The following ARHGAP6 variants were observed in gnomAD, a reference collection of about 807,000 sequenced individuals.
ARHGAP6 encodes rho GTPase-activating protein 6.
In ARHGAP6, 16 loss-of-function variants were observed where a neutral mutation model predicts 55.7. The observed-to-expected ratio is 0.29, with a 90% CI of 0.19 to 0.44. The LOEUF (loss-of-function observed/expected upper bound fraction) is 0.44, where lower values mean the gene tolerates loss of function less well. Among genes scored for constraint, ARHGAP6 ranks in the 20% least tolerant of loss-of-function variants. The pLI, the probability that ARHGAP6 is intolerant of heterozygous loss-of-function variation, is 1.00. For synonymous variants in ARHGAP6, 382 were observed against 360.9 expected (o/e 1.06, Z -0.66); for missense variants, 698 against 808.9 (o/e 0.86, Z 1.66).
intron 1 of ARHGAP6, among the ~76,000 whole-genome samples, chrX:11,566,906 TCAAA>T (rs201666611): frequency 0.019 from 2,092 of 112,289 alleles, 22 homozygotes; most frequent in Non-Finnish European, 0.028. Context: ...TACAGCATGC[TCAAA>T]CAATTTCTAA....
chrX:11,316,421 T>C (rs971943980), intron 1 of ARHGAP6, among the ~76,000 whole-genome samples: 1 of 112,312 alleles, frequency 8.9e-6, no homozygotes, highest in African/African-American at 3.2e-5. Flanking sequence ...GTTCACAGGA[T>C]TTTTAAAAAA....
At chrX:11,214,257 G>GCACA (rs35340720) in intron 2 of ARHGAP6, among the ~76,000 whole-genome samples, 2,297 of 100,836 alleles carry the variant, frequency 0.023, 43 homozygotes, top group Admixed American at 0.09. Context: ...CTTTGCTTAA[G>GCACA]CACACACACA....
chrX:11,174,573 C>CCTTCCTTCCTTCCTT (rs1491543420), intron 8 of ARHGAP6, among the ~76,000 whole-genome samples: 1 of 42,287 alleles, frequency 2.4e-5, no homozygotes, highest in African/African-American at 9.6e-5. Context: ...TTCCTTCCTT[C>CCTTCCTTCCTTCCTT]CTTTCTTTCT....
intron 1 of ARHGAP6, among the ~76,000 whole-genome samples, chrX:11,363,855 T>A (rs746147654): frequency 9.2e-4 from 103 of 112,384 alleles, no homozygotes; most frequent in Middle Eastern, 4.6e-3. Context: ...ATTGGGTATA[T>A]ACTCAAAGGA....
chrX:11,346,719 A>AAAAGAAAGAAAGAAAGAAAGAAAGAAAG (rs74803792), intron 1 of ARHGAP6, among the ~76,000 whole-genome samples: 1,877 of 92,308 alleles, frequency 0.02, 31 homozygotes, highest in Middle Eastern at 0.035. Flanking sequence ...AAGAAGAAAG[A>AAAAGAAAGAAAGAAAGAAAGAAAGAAAG]AAAGAAAGAA....
chrX:11,277,699 C>CTT (rs202164456), intron 1 of ARHGAP6, among the ~76,000 whole-genome samples: 20,446 of 98,981 alleles, frequency 0.21, 1,662 homozygotes, highest in Middle Eastern at 0.38. Context: ...TTCTAGTATT[C>CTT]TTTTTTTTTT....
At chrX:11,355,229 C>T (rs1048686551) in intron 1 of ARHGAP6, among the ~76,000 whole-genome samples, 3 of 111,815 alleles carry the variant, frequency 2.7e-5, no homozygotes, top group Non-Finnish European at 5.6e-5. Context: ...AAAGTGACCA[C>T]GCAATGGATT....
intron 1 of ARHGAP6, among the ~76,000 whole-genome samples, chrX:11,543,372 CAG>C (rs1461329217): frequency 8.9e-6 from 1 of 112,668 alleles, no homozygotes; most frequent in Non-Finnish European, 1.9e-5. Flanking sequence ...TTTTGCCCAA[CAG>C]GGGACATTCG....
chrX:11,524,687 G>C (rs1001172506), intron 1 of ARHGAP6, among the ~76,000 whole-genome samples: 2 of 111,427 alleles, frequency 1.8e-5, no homozygotes, highest in Non-Finnish European at 3.8e-5. Context: ...CGGTTTCATA[G>C]AAGACAATTT....
intron 1 of ARHGAP6, among the ~76,000 whole-genome samples, chrX:11,606,004 A>G (rs1308749832): frequency 9.0e-6 from 1 of 110,913 alleles, no homozygotes; most frequent in Admixed American, 9.6e-5. Context: ...TAGGTGGGGA[A>G]TGGAAAAGGA....
At chrX:11,531,240 G>A (rs956824923) in intron 1 of ARHGAP6, among the ~76,000 whole-genome samples, 2 of 111,457 alleles carry the variant, frequency 1.8e-5, no homozygotes, top group African/African-American at 6.5e-5. Context: ...TAGGAAAAAG[G>A]ACCTTCCAAA....
chrX:11,144,396 A>T (rs913299965), intron 10 of ARHGAP6, 148 bp from the exon 11 acceptor site: 18 of 773,634 alleles, frequency 2.3e-5, no homozygotes, highest in Non-Finnish European at 3.2e-5. Context: ...GTTCCAAGAC[A>T]TGTACATCCA....
intron 9 of ARHGAP6, among the ~76,000 whole-genome samples, chrX:11,168,078 C>G (rs1219629809): frequency 9.0e-6 from 1 of 111,516 alleles, no homozygotes; most frequent in Non-Finnish European, 1.9e-5. Context: ...TGCATAAGTT[C>G]TGGCCAATGA....
chrX:11,356,303 C>G, intron 1 of ARHGAP6, among the ~76,000 whole-genome samples: 1 of 110,557 alleles, frequency 9.0e-6, no homozygotes, highest in East Asian at 2.8e-4. Context: ...AGGACAAATA[C>G]CTAATGCACG....
intron 2 of ARHGAP6, chrX:11,225,634 C>G (rs747503331): frequency 2.3e-6 from 1 of 439,230 alleles, no homozygotes; most frequent in African/African-American, 2.7e-5. Context: ...TAAAATTTAT[C>G]CGATTTTAAT....
At chrX:11,392,060 C>T (rs1253041992) in intron 1 of ARHGAP6, among the ~76,000 whole-genome samples, 1 of 112,018 alleles carries the variant, frequency 8.9e-6, no homozygotes, top group East Asian at 2.8e-4. Context: ...GGAATTGTTC[C>T]ATCCTAAATC....
At chrX:11,454,905 C>T (rs1312711562) in intron 1 of ARHGAP6, among the ~76,000 whole-genome samples, 1 of 111,658 alleles carries the variant, frequency 9.0e-6, no homozygotes, top group Non-Finnish European at 1.9e-5. Context: ...AGACTATGAA[C>T]CAATATTGAA....
chrX:11,189,900 T>C (rs764502364), intron 3 of ARHGAP6, among the ~76,000 whole-genome samples: 2 of 112,357 alleles, frequency 1.8e-5, no homozygotes, highest in East Asian at 2.8e-4. Context: ...CACTAAATAA[T>C]GTAATCAAAT....
chrX:11,378,326 GT>G (rs897454036), intron 1 of ARHGAP6, among the ~76,000 whole-genome samples: 10 of 112,605 alleles, frequency 8.9e-5, no homozygotes, highest in Non-Finnish European at 1.9e-4. Flanking sequence ...CCATAAACCA[GT>G]TTTAGAACAC....
Sources: gnomAD v4.1 joint callset for allele counts (sites outside exome capture counted in the v4.1 genomes callset) on GRCh38, gnomAD v4.1.1 for gene constraint, MANE v1.5 for transcripts, NCBI Gene and HGNC (gene_info 2026-07-23, HGNC 2026-07-21) for gene names.